Variants in NREP observed in about 807,000 individuals in gnomAD.
NREP encodes neuronal regeneration related protein, also known as neuronal regeneration-related protein.
A neutral mutation model predicts 8.6 loss-of-function variants in NREP; 5 were observed. That is an observed-to-expected ratio of 0.58 (90% confidence interval 0.30 to 1.22). The LOEUF (loss-of-function observed/expected upper bound fraction) is 1.22. Among genes scored for constraint, NREP ranks in the 50% most tolerant of loss-of-function variants. The probability of loss-of-function intolerance (pLI) is 0.07; values close to 1 mark genes in which losing one functional copy is unlikely to be tolerated. For synonymous variants in NREP, 27 were observed against 28.0 expected (o/e 0.96, Z 0.11); for missense variants, 86 against 82.5 (o/e 1.04, Z -0.17).
At chr5:111,968,274 G>A (rs913322361) in intron 2 of NREP, among the ~76,000 whole-genome samples, 1 of 151,570 alleles carries the variant, frequency 6.6e-6, no homozygotes. Context: ...AAACCCTACT[G>A]GTATAAGAAA....
chr5:111,887,834 C>G (rs752215194), intron 2 of NREP, among the ~76,000 whole-genome samples: 2 of 152,122 alleles, frequency 1.3e-5, no homozygotes, highest in African/African-American at 2.4e-5. Flanking sequence ...CAGCTTTACC[C>G]AAGTACAAAT....
chr5:111,746,625 T>C (rs956102176), intron 2 of NREP, among the ~76,000 whole-genome samples: 1 of 152,200 alleles, frequency 6.6e-6, no homozygotes, highest in Non-Finnish European at 1.5e-5. Flanking sequence ...TCTGCAGGTA[T>C]TGAATATTTC....
chr5:111,871,233 T>C (rs756408449), intron 2 of NREP, among the ~76,000 whole-genome samples: 2 of 152,198 alleles, frequency 1.3e-5, no homozygotes, highest in Non-Finnish European at 2.9e-5. Context: ...ATTGCTCTCC[T>C]AGGCTACAAA....
intron 2 of NREP, among the ~76,000 whole-genome samples, chr5:111,875,561 C>T (rs985774591): frequency 2.6e-5 from 4 of 152,176 alleles, no homozygotes; most frequent in Admixed American, 1.3e-4. Context: ...CAGAAGTTTA[C>T]TCCCTGTCTA....
chr5:111,954,133 T>A (rs1405791269), intron 2 of NREP, among the ~76,000 whole-genome samples: 1 of 152,156 alleles, frequency 6.6e-6, no homozygotes, highest in African/African-American at 2.4e-5. Context: ...TCTACATCTA[T>A]CTATGGCCAA....
intron 2 of NREP, among the ~76,000 whole-genome samples, chr5:111,970,408 G>T (rs563852281): frequency 2.6e-5 from 4 of 152,292 alleles, no homozygotes; most frequent in Admixed American, 6.5e-5. Context: ...TGCTGGCTTT[G>T]TATCGGTGAT....
chr5:111,903,873 T>G (rs1358632427), intron 2 of NREP, among the ~76,000 whole-genome samples: 4 of 152,190 alleles, frequency 2.6e-5, no homozygotes, highest in Non-Finnish European at 5.9e-5. Context: ...TCTCTAGACC[T>G]ATGATCTTAT....
At chr5:111,961,316 C>G (rs1379989652) in intron 2 of NREP, among the ~76,000 whole-genome samples, 1 of 152,186 alleles carries the variant, frequency 6.6e-6, no homozygotes, top group Non-Finnish European at 1.5e-5. Flanking sequence ...GGATTTAAGT[C>G]TGAAGAGGAA....
intron 2 of NREP, among the ~76,000 whole-genome samples, chr5:111,970,422 C>A (rs148221767): frequency 2.0e-3 from 311 of 152,278 alleles, no homozygotes; most frequent in Non-Finnish European, 3.2e-3. Flanking sequence ...CGGTGATTCA[C>A]GGACACATTC....
At chr5:111,944,318 T>G (rs1755916000) in intron 2 of NREP, among the ~76,000 whole-genome samples, 2 of 152,116 alleles carry the variant, frequency 1.3e-5, no homozygotes, top group Non-Finnish European at 2.9e-5. Context: ...TCCATTTTTT[T>G]CTTTTTTGAG....
At chr5:111,933,098 T>A (rs1755588562) in intron 2 of NREP, among the ~76,000 whole-genome samples, 1 of 152,102 alleles carries the variant, frequency 6.6e-6, no homozygotes, top group African/African-American at 2.4e-5. Context: ...TTTTGACTCT[T>A]AAAATCAAAC....
At chr5:111,895,338 A>G (rs1310906606) in intron 2 of NREP, among the ~76,000 whole-genome samples, 2 of 152,206 alleles carry the variant, frequency 1.3e-5, no homozygotes, top group Admixed American at 6.5e-5. Context: ...ACTGTTTTCC[A>G]TGCTGGGGAA....
At chr5:111,768,375 T>C (rs1751135132) in intron 2 of NREP, among the ~76,000 whole-genome samples, 1 of 152,206 alleles carries the variant, frequency 6.6e-6, no homozygotes, top group South Asian at 2.1e-4. Flanking sequence ...AATTTCAACT[T>C]TTATTTAGAT....
At chr5:111,812,653 A>G (rs1752296733) in intron 2 of NREP, among the ~76,000 whole-genome samples, 1 of 152,130 alleles carries the variant, frequency 6.6e-6, no homozygotes, top group South Asian at 2.1e-4. Flanking sequence ...CACCAATATT[A>G]AGTATTTGGG....
intron 2 of NREP, among the ~76,000 whole-genome samples, chr5:111,845,323 C>G (rs989925759): frequency 6.6e-6 from 1 of 150,974 alleles, no homozygotes; most frequent in Admixed American, 6.6e-5. Flanking sequence ...GCTATAATCT[C>G]TCACCTGGAT....
chr5:111,804,615 C>T (rs2112907615), intron 2 of NREP, among the ~76,000 whole-genome samples: 1 of 151,900 alleles, frequency 6.6e-6, no homozygotes, highest in South Asian at 2.1e-4. Flanking sequence ...AATTGGGAGA[C>T]ATATTTGCAA....
intron 2 of NREP, among the ~76,000 whole-genome samples, chr5:111,964,166 A>G (rs1273696141): frequency 2.6e-5 from 4 of 152,156 alleles, no homozygotes; most frequent in Admixed American, 2.6e-4. Flanking sequence ...TTATTCCCCA[A>G]GAATGTATTT....
intron 2 of NREP, among the ~76,000 whole-genome samples, chr5:111,943,698 T>G (rs1484181166): frequency 2.0e-5 from 3 of 152,128 alleles, no homozygotes; most frequent in South Asian, 4.1e-4. Flanking sequence ...AAGCATAGGC[T>G]CTGCCCTCAT....
intron 2 of NREP, among the ~76,000 whole-genome samples, chr5:111,880,283 A>C (rs1241192019): frequency 1.3e-5 from 2 of 152,212 alleles, no homozygotes; most frequent in African/African-American, 4.8e-5. Flanking sequence ...TTTAAAATTA[A>C]AATGTGTCTA....
Sources: gnomAD v4.1 joint callset for allele counts (sites outside exome capture counted in the v4.1 genomes callset) on GRCh38, gnomAD v4.1.1 for gene constraint, MANE v1.5 for transcripts, NCBI Gene and HGNC (gene_info 2026-07-23, HGNC 2026-07-21) for gene names.